Variants in LINC00305 observed in about 807,000 individuals in gnomAD.
LINC00305 encodes the protein long independently transcribed non-coding RNA 305.
intron 3 of LINC00305, among the ~76,000 whole-genome samples, chr18:64,092,065 C>A (rs898470167): frequency 2.0e-5 from 3 of 152,166 alleles, no homozygotes; most frequent in African/African-American, 7.2e-5. Flanking sequence ...CCTTAGGAAA[C>A]TTAAATATGT....
At chr18:64,129,094 C>G (rs1358543699) in intron 1 of LINC00305, among the ~76,000 whole-genome samples, 1 of 152,026 alleles carries the variant, frequency 6.6e-6, no homozygotes, top group Non-Finnish European at 1.5e-5. Flanking sequence ...TAAATTTCTT[C>G]AAGAGTGCCT....
intron 1 of LINC00305, among the ~76,000 whole-genome samples, chr18:64,135,084 C>T (rs1469507529): frequency 1.3e-5 from 2 of 152,136 alleles, no homozygotes; most frequent in African/African-American, 2.4e-5. Flanking sequence ...TGTGGGGAAC[C>T]GTGTTCCAGG....
intron 3 of LINC00305, among the ~76,000 whole-genome samples, chr18:64,090,588 G>C (rs1007845699): frequency 1.3e-5 from 2 of 152,152 alleles, no homozygotes; most frequent in African/African-American, 4.8e-5. Context: ...TCACTTGCAG[G>C]ACTTGGTGCA....
intron 1 of LINC00305, among the ~76,000 whole-genome samples, chr18:64,111,135 C>T (rs1246328735): frequency 6.6e-6 from 1 of 152,196 alleles, no homozygotes; most frequent in African/African-American, 2.4e-5. Flanking sequence ...TGACAAACTA[C>T]CTTCAAATAT....
intron 3 of LINC00305, among the ~76,000 whole-genome samples, chr18:64,094,856 A>AAATAAATAAATAAAT (rs1568105312): frequency 0.015 from 1,863 of 120,836 alleles, 39 homozygotes; most frequent in African/African-American, 0.047. Context: ...TTCATCTCAA[A>AAATAAATAAATAAAT]AAATAAATAA....
chr18:64,143,754 TA>T (rs2051481958), intron 1 of LINC00305, among the ~76,000 whole-genome samples: 1 of 72,006 alleles, frequency 1.4e-5, no homozygotes, highest in Admixed American at 1.3e-4. Flanking sequence ...TGCGTACATG[TA>T]TGTACACATA....
intron 1 of LINC00305, among the ~76,000 whole-genome samples, chr18:64,111,471 G>A (rs1317256106): frequency 6.6e-6 from 1 of 152,188 alleles, no homozygotes; most frequent in African/African-American, 2.4e-5. Flanking sequence ...TGGAAAATAA[G>A]CTCCCTGATA....
intron 1 of LINC00305, chr18:64,098,665 T>C (rs1599209942): frequency 2.4e-6 from 1 of 421,152 alleles, no homozygotes; most frequent in East Asian, 7.2e-5. Flanking sequence ...AGAAAATAAA[T>C]TGTTGTTTTC....
chr18:64,130,384 CTTATT>C (rs753852554), intron 1 of LINC00305, among the ~76,000 whole-genome samples: 13 of 152,052 alleles, frequency 8.5e-5, no homozygotes, highest in African/African-American at 3.1e-4. Flanking sequence ...TTTTAAATCT[CTTATT>C]TTAAGTTCTG....
At position 64,122,759 on chromosome 18, in the gene LINC00305, G is replaced by A. The variant is rs569691849; in HGVS notation, n.315-24119C>T. On this transcript the variant is annotated intron_variant and non_coding_transcript_variant, in intron 1 of 3. Coordinates refer to ENST00000666468, the Ensembl canonical transcript of LINC00305. ...TTTTGATAGAGATTACATTAACTCT[G>A]TAGATTGCCTTGAGCAGGATTGTCA... Among the ~76,000 whole-genome samples, 7 of 152,166 alleles carry A rather than the reference G, an allele frequency of 4.6e-5. No individual in the cohort carries two copies. The South Asian group carries it at 1.4e-3, about 32-fold the overall frequency.
intron 1 of LINC00305, among the ~76,000 whole-genome samples, chr18:64,138,456 T>A (rs1488764201): frequency 6.6e-6 from 1 of 152,216 alleles, no homozygotes; most frequent in Non-Finnish European, 1.5e-5. Flanking sequence ...ATTATGGAAA[T>A]GTTATTTACA....
chr18:64,140,549 G>T (rs182844649), intron 1 of LINC00305, among the ~76,000 whole-genome samples: 1 of 152,088 alleles, frequency 6.6e-6, no homozygotes, highest in Non-Finnish European at 1.5e-5. Flanking sequence ...GGTAGAGACC[G>T]TCTAAGTAGT....
intron 1 of LINC00305, among the ~76,000 whole-genome samples, chr18:64,144,573 A>T (rs917687743): frequency 3.9e-5 from 6 of 151,944 alleles, no homozygotes; most frequent in African/African-American, 1.5e-4. Flanking sequence ...CAATGGTCTG[A>T]TCTCAGCTCA....
At chr18:64,102,815 G>A (rs1238524162) in intron 1 of LINC00305, among the ~76,000 whole-genome samples, 2 of 152,124 alleles carry the variant, frequency 1.3e-5, no homozygotes. Flanking sequence ...GATCTCACAA[G>A]AACTCACAAT....
intron 1 of LINC00305, chr18:64,098,702 G>A: frequency 2.5e-6 from 1 of 396,772 alleles, no homozygotes; most frequent in Non-Finnish European, 5.0e-6. Context: ...CACAATGAAA[G>A]TGAGTAACCC....
intron 1 of LINC00305, among the ~76,000 whole-genome samples, chr18:64,131,812 G>A (rs780544866): frequency 6.6e-6 from 1 of 152,196 alleles, no homozygotes; most frequent in Non-Finnish European, 1.5e-5. Context: ...TTGAATTGTG[G>A]AAGGCAATGT....
chr18:64,094,889 A>AATAAAT (rs1485995167), intron 3 of LINC00305, among the ~76,000 whole-genome samples: 2 of 146,974 alleles, frequency 1.4e-5, no homozygotes, highest in African/African-American at 4.9e-5. Flanking sequence ...ATAAATAATA[A>AATAAAT]AATAAAATAA....
intron 1 of LINC00305, among the ~76,000 whole-genome samples, chr18:64,136,145 T>C (rs889054164): frequency 6.6e-6 from 1 of 152,200 alleles, no homozygotes; most frequent in African/African-American, 2.4e-5. Flanking sequence ...GGCAGTTCCA[T>C]AGGCTTTAAC....
At chr18:64,142,661 A>G (rs2051469438) in intron 1 of LINC00305, among the ~76,000 whole-genome samples, 1 of 152,132 alleles carries the variant, frequency 6.6e-6, no homozygotes, top group Non-Finnish European at 1.5e-5. Context: ...TCTGTGTCTT[A>G]CACCATGGCC....
Sources: allele counts gnomAD v4.1 joint callset (sites outside exome capture counted in the v4.1 genomes callset), GRCh38; gene constraint gnomAD v4.1.1; transcripts MANE v1.5; gene names NCBI Gene and HGNC (gene_info 2026-07-23, HGNC 2026-07-21).